KIAA1671: variants seen among roughly 807,000 people sequenced by gnomAD.
The protein encoded by KIAA1671 is KIAA1671, also known as uncharacterized protein KIAA1671.
Under a neutral mutation model 131.2 loss-of-function variants are expected in KIAA1671, and 52 were observed. The observed-to-expected ratio is 0.40, with a 90% CI of 0.32 to 0.50. The LOEUF is 0.50. Ranked by LOEUF, KIAA1671 falls within the 20% of genes least tolerant of loss-of-function variation. The pLI, the probability that KIAA1671 is intolerant of heterozygous loss-of-function variation, is 0.73. For synonymous variants in KIAA1671, 1,003 were observed against 961.6 expected (o/e 1.04, Z -0.80); for missense variants, 2,360 against 2,364.2 (o/e 1.00, Z 0.04).
chr22:25,155,057 A>C (rs1209652181), intron 6 of KIAA1671, among the ~76,000 whole-genome samples: 1 of 152,092 alleles, frequency 6.6e-6, no homozygotes, highest in Non-Finnish European at 1.5e-5. Context: ...GGCCCAGGGG[A>C]CCTTGGATAC....
In KIAA1671 at chr22:25,041,501, G is replaced by A; in HGVS notation, c.4371G>A (p.Glu1457=). 6.5e-7 allele frequency: 1 copy of A among 1,548,334 alleles called. No individual in the cohort carries two copies. The highest frequency in any genetic ancestry group is 1.2e-5 in the South Asian group (1 of 83,820). Residue 1457 remains glutamate, a synonymous_variant, in exon 5 of 13, where the codon GAG becomes GAA. Coordinates refer to ENST00000358431, the MANE Select transcript of KIAA1671 (RefSeq NM_001145206.2). ...CCAAAATGGGACCCTGTTGGTGGGAGTCAGGGACTGGAGACAGTCACAAGG... is the reference window on the plus strand; with the variant it reads ...CCAAAATGGGACCCTGTTGGTGGGAATCAGGGACTGGAGACAGTCACAAGG... The part of the protein sequence containing the change: ...LEAKMGPCWW[E]SGTGDSHKVL...
chr22:25,144,120 T>C (rs1262671311), intron 6 of KIAA1671, among the ~76,000 whole-genome samples: 2 of 152,262 alleles, frequency 1.3e-5, no homozygotes, highest in Admixed American at 6.5e-5. Flanking sequence ...GAAACACATG[T>C]GTTCTCACAG....
chr22:25,055,691 G>T (rs1310302718), intron 6 of KIAA1671: 2 of 149,728 alleles, frequency 1.3e-5, no homozygotes, highest in East Asian at 3.9e-4. Context: ...TATCTTTTTG[G>T]CAGAAATGTC....
chr22:25,096,325 C>T lies in KIAA1671; in HGVS notation c.4530+46961C>T, dbSNP rs61509725. On this transcript the variant is annotated intron_variant, in intron 6 of 12. Transcript: ENST00000358431. ...AGTGGCAGTTACAGCCGCTTGTCCA[C>T]GGGCTGTCTCCGAGGGCTGCCTCTC... 3.1e-3 allele frequency among the ~76,000 whole-genome samples: 466 copies of T among 152,298 alleles called. 2 individuals carry two copies. Among genetic ancestry groups the T allele is most frequent in the African/African-American group, 0.01 (434 of 41,570 alleles).
At chr22:25,175,963 G>A (rs7284258) in intron 8 of KIAA1671, 38,385 of 152,178 alleles carry the variant, frequency 0.25, 6,114 homozygotes, top group East Asian at 0.47. Context: ...CTGTGGGGAC[G>A]GTTTGGAGGC....
chr22:25,155,427 G>A lies in KIAA1671; in HGVS notation c.4531-15393G>A, dbSNP rs543255034. Reference sequence around the variant, plus strand: ...TGTTTCTATGTATTTGTGTATGTGTGTGTGGGGGGGTTTTTGTAGGTATGC... The same window carrying A: ...TGTTTCTATGTATTTGTGTATGTGTATGTGGGGGGGTTTTTGTAGGTATGC... On this transcript the variant is annotated intron_variant, in intron 6 of 12. Transcript: ENST00000358431. Among the ~76,000 whole-genome samples, 6 of 152,094 alleles carry A rather than the reference G, an allele frequency of 3.9e-5. No homozygotes were observed. The East Asian group carries it at 1.2e-3, about 29-fold the overall frequency.
At chr22:25,124,401 C>G (rs1374385102) in intron 6 of KIAA1671, among the ~76,000 whole-genome samples, 1 of 152,162 alleles carries the variant, frequency 6.6e-6, no homozygotes, top group Non-Finnish European at 1.5e-5. Flanking sequence ...TTGTGAACAC[C>G]TTTGACTTTT....
chr22:25,058,765 C>G (rs1035039511), intron 6 of KIAA1671: 1 of 152,188 alleles, frequency 6.6e-6, no homozygotes, highest in Admixed American at 6.5e-5. Flanking sequence ...GGGTACAGCT[C>G]TTCTCTGCTG....
chr22:25,117,585 C>CCACACACACACACACACACA lies in KIAA1671; in HGVS notation c.4531-53202_4531-53183dup, dbSNP rs4049524. On this transcript the variant is annotated intron_variant, in intron 6 of 12. Coordinates refer to ENST00000358431, the MANE Select transcript of KIAA1671 (RefSeq NM_001145206.2). ...CAGCAGGGCTCAGCATCTCCCCCAA[C>CCACACACACACACACACACA]CACACACACACACACACACACACAC... is the stretch of plus-strand genomic sequence containing the variant. Among the ~76,000 whole-genome samples, 34 of 123,890 alleles carry CCACACACACACACACACACA rather than the reference C, an allele frequency of 2.7e-4. 1 individual carries two copies. The highest frequency in any genetic ancestry group is 7.4e-4 in the African/African-American group (23 of 31,246). 81.3% of individuals were successfully genotyped at this position (123,890 alleles called of 152,430 possible).
In KIAA1671 at chr22:25,032,649, A is replaced by G; in HGVS notation, c.1582A>G (p.Lys528Glu). The G allele has an allele frequency of 6.5e-7, 1 of 1,548,040 alleles. No individual in the cohort carries two copies. Among genetic ancestry groups the G allele is most frequent in the Non-Finnish European group, 8.7e-7 (1 of 1,144,074 alleles). Reference protein sequence around the residue: ...SASSNEVKYEKSAELSGEFPK... With the variant: ...SASSNEVKYEESAELSGEFPK... The stretch of plus-strand genomic sequence containing the variant: ...TTCCAGCAACGAAGTCAAATATGAG[A>G]AGAGTGCTGAGCTGAGCGGCGAGTT... The change falls in exon 4 of 13, where the codon AAG (lysine) becomes GAG (glutamate). Residue 528 changes from lysine (K) to glutamate (E), a missense_variant. Physicochemically the swap from Lys to Glu is moderately conservative, Grantham distance 56 (BLOSUM62 1). Transcript: ENST00000358431.
intron 6 of KIAA1671, among the ~76,000 whole-genome samples, chr22:25,090,319 A>G (rs1929964278): frequency 6.6e-6 from 1 of 152,236 alleles, no homozygotes; most frequent in South Asian, 2.1e-4. Context: ...GAAGCCCACA[A>G]TGGCAGGCTG....
chr22:25,041,098 G>T lies in KIAA1671; in HGVS notation c.3968G>T (p.Gly1323Val). The T allele has an allele frequency of 6.5e-7, 1 of 1,544,928 alleles. No individual in the cohort carries two copies. The highest frequency in any genetic ancestry group is 8.7e-7 in the Non-Finnish European group (1 of 1,143,288). ...PIPADPRKKT[G>V]FAEDDRKAFA... ...CCTGCGGATCCCAGGAAAAAAACGG[G>T]GTTTGCTGAGGATGACAGAAAGGCC... Residue 1323 changes from glycine to valine, a missense_variant, in exon 5 of 13, where the codon GGG becomes GTG. By Grantham distance (109) the Gly-to-Val change is moderately radical. Coordinates refer to ENST00000358431, the MANE Select transcript of KIAA1671 (RefSeq NM_001145206.2).
intron 6 of KIAA1671, among the ~76,000 whole-genome samples, chr22:25,087,708 T>C (rs1929802942): frequency 6.6e-6 from 1 of 152,204 alleles, no homozygotes; most frequent in Non-Finnish European, 1.5e-5. Context: ...TTTGTGTGGA[T>C]GTGATTTAGT....
At chr22:25,133,698 G>C (rs1033550756) in intron 6 of KIAA1671, among the ~76,000 whole-genome samples, 1 of 151,988 alleles carries the variant, frequency 6.6e-6, no homozygotes, top group African/African-American at 2.4e-5. Flanking sequence ...ACCCACCATG[G>C]TGCCTGGCTA....
chr22:25,159,730 G>A (rs973318898), intron 6 of KIAA1671, among the ~76,000 whole-genome samples: 2 of 152,192 alleles, frequency 1.3e-5, no homozygotes, highest in Non-Finnish European at 2.9e-5. Flanking sequence ...TAGCTAGCAA[G>A]TGGTAGAGCT....
intron 1 of KIAA1671, among the ~76,000 whole-genome samples, chr22:24,978,547 C>G (rs1923034377): frequency 6.6e-6 from 1 of 152,164 alleles, no homozygotes; most frequent in African/African-American, 2.4e-5. Flanking sequence ...GGCTACCTAG[C>G]TAGCATGTCA....
chr22:25,127,622 T>C (rs529083858), intron 6 of KIAA1671, among the ~76,000 whole-genome samples: 8 of 152,168 alleles, frequency 5.3e-5, no homozygotes, highest in Non-Finnish European at 1.2e-4. Flanking sequence ...TTGTGTGTCA[T>C]TAACAGCCAC....
intron 2 of KIAA1671, 46 bp from the exon 3 acceptor site, chr22:25,027,899 C>CT (rs1388524520): frequency 1.1e-6 from 1 of 945,316 alleles, no homozygotes; most frequent in African/African-American, 1.7e-5. Flanking sequence ...AACCCAGACA[C>CT]TGACTGTTTT....
At chr22:25,186,678 G>A (rs914616232) in intron 11 of KIAA1671, among the ~76,000 whole-genome samples, 7 of 152,226 alleles carry the variant, frequency 4.6e-5, no homozygotes, top group Non-Finnish European at 7.3e-5. Context: ...GCTGGACCAC[G>A]GGCAGTGAGA....
Sources: allele counts gnomAD v4.1 joint callset (sites outside exome capture counted in the v4.1 genomes callset), GRCh38; gene constraint gnomAD v4.1.1; transcripts MANE v1.5; gene names NCBI Gene and HGNC (gene_info 2026-07-23, HGNC 2026-07-21).